Variants in SDK1 observed in about 807,000 individuals in gnomAD.
SDK1 encodes protein sidekick-1.
In SDK1, 157 loss-of-function variants were observed where a neutral mutation model predicts 245.5. The ratio of observed to expected loss-of-function variants is 0.64; its 90% confidence interval spans 0.56 to 0.73. The LOEUF (loss-of-function observed/expected upper bound fraction) is 0.73, where lower values mean the gene tolerates loss of function less well. Among genes scored for constraint, SDK1 ranks in the 30% least tolerant of loss-of-function variants. The pLI is 0.00. For missense variants in SDK1, 3,583 were observed against 3,002.3 expected, an observed-to-expected ratio of 1.19 and a Z score of -4.52; for synonymous variants, 1,647 against 1,278.5, an observed-to-expected ratio of 1.29 and a Z score of -6.15.
Position 4,012,080 on chromosome 7 carries a change from G to T in SDK1, c.2280-15G>T, listed in dbSNP as rs769187816. 6.7e-7 allele frequency: 1 copy of T among 1,496,242 alleles called. No individual in the cohort carries two copies. The highest frequency in any genetic ancestry group is 1.4e-5 in the African/African-American group (1 of 69,414). The allele number at this position is 1,496,242 out of a possible 1,614,324, so 92.7% of individuals were successfully genotyped here. ...GTACTCATCTCTCTTGTTCCTACCC[G>T]TCTTTTATTTATAGGTTGATGCTAC... On this transcript the variant is annotated splice_polypyrimidine_tract_variant and intron_variant, in intron 15 of 44. Transcript: ENST00000404826.
intron 1 of SDK1, among the ~76,000 whole-genome samples, chr7:3,382,409 G>A (rs1244005689): frequency 6.6e-6 from 1 of 152,066 alleles, no homozygotes; most frequent in Non-Finnish European, 1.5e-5. Context: ...GCTGTTCTGT[G>A]GATTGAGCCA....
At chr7:3,695,224 T>C (rs1784538931) in intron 4 of SDK1, among the ~76,000 whole-genome samples, 1 of 152,204 alleles carries the variant, frequency 6.6e-6, no homozygotes, top group African/African-American at 2.4e-5. Context: ...TAAATAAGTA[T>C]TTCCGTCTAA....
chr7:3,505,015 A>G lies in SDK1; in HGVS notation c.299-114065A>G, dbSNP rs567262282. 1.2e-3 allele frequency among the ~76,000 whole-genome samples: 177 copies of G among 152,336 alleles called. 2 individuals are homozygous for G. The highest frequency in any genetic ancestry group is 4.1e-3 in the African/African-American group (169 of 41,576). On this transcript the variant is annotated intron_variant, in intron 1 of 44. Coordinates refer to ENST00000404826, the MANE Select transcript of SDK1 (RefSeq NM_152744.4). ...AATATATAAAATGCCCAGTGGTGAT[A>G]CAACTCCTGATGTTTCATTTCATTC...
chr7:4,097,445 C>T (rs879447691), intron 22 of SDK1, among the ~76,000 whole-genome samples: 14 of 152,254 alleles, frequency 9.2e-5, no homozygotes, highest in Non-Finnish European at 1.6e-4. Context: ...AGAAGGAAGG[C>T]GTCATGCCAG....
At chr7:3,866,857 G>A (rs1324131998) in intron 5 of SDK1, among the ~76,000 whole-genome samples, 4 of 152,160 alleles carry the variant, frequency 2.6e-5, no homozygotes, top group African/African-American at 9.7e-5. Context: ...AGGCTGAAGA[G>A]TTTGACCTTG....
At chr7:3,507,570 G>A (rs1782432143) in intron 1 of SDK1, among the ~76,000 whole-genome samples, 1 of 152,080 alleles carries the variant, frequency 6.6e-6, no homozygotes, top group Non-Finnish European at 1.5e-5. Flanking sequence ...AGTCCCCTCT[G>A]TATTATTATT....
chr7:4,025,419 G>A (rs965073293), intron 17 of SDK1, among the ~76,000 whole-genome samples: 1 of 152,188 alleles, frequency 6.6e-6, no homozygotes, highest in African/African-American at 2.4e-5. Context: ...GGTGGAGCAG[G>A]GCAGGTAGGG....
At chr7:3,779,938 CAAA>C (rs34979965) in intron 4 of SDK1, among the ~76,000 whole-genome samples, 2 of 46,668 alleles carry the variant, frequency 4.3e-5, no homozygotes, top group African/African-American at 7.0e-5. Context: ...GACTCCGTCT[CAAA>C]AAAAAAAAAA....
chr7:3,641,575 T>C (rs73673667), intron 3 of SDK1, among the ~76,000 whole-genome samples: 2,021 of 152,138 alleles, frequency 0.013, 35 homozygotes, highest in African/African-American at 0.039. Context: ...GTTTGAAAGA[T>C]TTAGGAGCTA....
intron 1 of SDK1, among the ~76,000 whole-genome samples, chr7:3,536,215 C>G (rs1264479358): frequency 1.4e-5 from 2 of 147,194 alleles, no homozygotes; most frequent in African/African-American, 2.5e-5. Flanking sequence ...CGCCACCACA[C>G]CCAGCTAATT....
chr7:3,392,131 G>T (rs1781774339), intron 1 of SDK1, among the ~76,000 whole-genome samples: 1 of 152,002 alleles, frequency 6.6e-6, no homozygotes, highest in South Asian at 2.1e-4. Context: ...CATAAATTCA[G>T]TTCTAATCAG....
intron 40 of SDK1, among the ~76,000 whole-genome samples, chr7:4,223,237 CT>C (rs1785241925): frequency 6.6e-6 from 1 of 152,160 alleles, no homozygotes; most frequent in Non-Finnish European, 1.5e-5. Flanking sequence ...GATCCGTGAG[CT>C]TGGATGGGGA....
intron 1 of SDK1, among the ~76,000 whole-genome samples, chr7:3,336,590 C>G (rs927735873): frequency 2.6e-5 from 4 of 152,150 alleles, no homozygotes; most frequent in African/African-American, 9.7e-5. Flanking sequence ...GCGGAGCATG[C>G]TGGCACTCCC....
chr7:3,568,801 G>T (rs184424173), intron 1 of SDK1, among the ~76,000 whole-genome samples: 1 of 152,058 alleles, frequency 6.6e-6, no homozygotes, highest in Non-Finnish European at 1.5e-5. Flanking sequence ...TCTGATCACC[G>T]GATCCCTTCA....
intron 1 of SDK1, among the ~76,000 whole-genome samples, chr7:3,496,021 T>A (rs1374819672): frequency 6.6e-6 from 1 of 152,234 alleles, no homozygotes; most frequent in Non-Finnish European, 1.5e-5. Flanking sequence ...AAGATCTTAA[T>A]TGTAAAACAC....
At chr7:3,388,965 G>A (rs796373471) in intron 1 of SDK1, among the ~76,000 whole-genome samples, 1 of 152,150 alleles carries the variant, frequency 6.6e-6, no homozygotes, top group South Asian at 2.1e-4. Flanking sequence ...CGTGATACCT[G>A]CTGGAAAGGA....
chr7:3,810,225 C>G (rs1392975925), intron 4 of SDK1, among the ~76,000 whole-genome samples: 2 of 152,176 alleles, frequency 1.3e-5, no homozygotes, highest in Non-Finnish European at 2.9e-5. Context: ...TTTCTGTCCT[C>G]ACTTTTCATG....
At chr7:4,178,400 C>A in intron 34 of SDK1, 85 bp from the exon 35 acceptor site, 1 of 983,794 alleles carries the variant, frequency 1.0e-6, no homozygotes, top group Non-Finnish European at 1.6e-6. Context: ...GTGCTCCTTG[C>A]TTCATTGTGG....
At chr7:4,217,984 G>A (rs1248061731) in intron 38 of SDK1, among the ~76,000 whole-genome samples, 3 of 152,140 alleles carry the variant, frequency 2.0e-5, no homozygotes, top group Non-Finnish European at 2.9e-5. Flanking sequence ...CAGTTTGTGT[G>A]TTGATGACAG....
Sources: allele counts gnomAD v4.1 joint callset (sites outside exome capture counted in the v4.1 genomes callset), GRCh38; gene constraint gnomAD v4.1.1; transcripts MANE v1.5; gene names NCBI Gene and HGNC (gene_info 2026-07-23, HGNC 2026-07-21).